SLC2A9: variants seen among roughly 807,000 people sequenced by gnomAD.
SLC2A9 encodes solute carrier family 2, facilitated glucose transporter member 9.
In SLC2A9, 39 loss-of-function variants were observed where a neutral mutation model predicts 50.6. The ratio of observed to expected loss-of-function variants is 0.77; its 90% confidence interval spans 0.60 to 1.01. The LOEUF (loss-of-function observed/expected upper bound fraction) is 1.01, where lower values mean the gene tolerates loss of function less well. Ranked by LOEUF, SLC2A9 falls within the 50% of genes least tolerant of loss-of-function variation. The pLI is 0.00. For missense variants in SLC2A9, 686 were observed against 677.6 expected, an observed-to-expected ratio of 1.01 and a Z score of -0.14; for synonymous variants, 324 against 276.9, an observed-to-expected ratio of 1.17 and a Z score of -1.69.
chr4:9,913,330 TGAGAGAGA>T lies in SLC2A9; in HGVS notation c.1003-4993_1003-4986del, dbSNP rs968021703. 7.9e-5 allele frequency among the ~76,000 whole-genome samples: 7 copies of T among 88,810 alleles called. No individual in the cohort carries two copies. In the East Asian group the frequency reaches 9.0e-4, roughly 11 times the overall value. The allele number at this position is 88,810 out of a possible 152,430, so 58.3% of individuals were successfully genotyped here. On this transcript the variant is annotated intron_variant, in intron 7 of 11. Coordinates refer to ENST00000264784, the MANE Select transcript of SLC2A9 (RefSeq NM_020041.3). ...GTGTGTGTGTGTGTGTGTGTGTGTG[TGAGAGAGA>T]GAGAGAGAGAGAGAGAGACAGAGAG... is the stretch of plus-strand genomic sequence containing the variant.
chr4:9,872,021 T>C (rs572990556), intron 10 of SLC2A9, among the ~76,000 whole-genome samples: 22 of 152,276 alleles, frequency 1.4e-4, no homozygotes, highest in African/African-American at 4.8e-4. Context: ...ATGCTGTCCC[T>C]AGGCCTCCTC....
chr4:9,981,014 G>A (rs889783455), intron 4 of SLC2A9, among the ~76,000 whole-genome samples: 2 of 152,104 alleles, frequency 1.3e-5, no homozygotes, highest in African/African-American at 4.8e-5. Flanking sequence ...CGGTGATGGT[G>A]ATAACGGTGG....
downstream of SLC2A9, among the ~76,000 whole-genome samples, chr4:9,825,524 A>T (rs1411637095): frequency 1.8e-5 from 1 of 56,432 alleles, no homozygotes; most frequent in East Asian, 3.0e-4. Context: ...ATCACCAATT[A>T]ATCACAATGT....
intron 6 of SLC2A9, among the ~76,000 whole-genome samples, chr4:9,928,642 G>T (rs887943304): frequency 1.2e-4 from 19 of 152,208 alleles, no homozygotes; most frequent in Admixed American, 9.2e-4. Context: ...GCTGAGGCAG[G>T]AGAATCGCTT....
intron 11 of SLC2A9, among the ~76,000 whole-genome samples, chr4:9,828,972 C>T (rs764775499): frequency 2.0e-4 from 31 of 152,138 alleles, no homozygotes; most frequent in Non-Finnish European, 3.7e-4. Context: ...GGCTTCCTGC[C>T]GTATCCCAGG....
chr4:10,021,742 G>T (rs999601089), upstream of SLC2A9, among the ~76,000 whole-genome samples: 1 of 151,180 alleles, frequency 6.6e-6, no homozygotes, highest in African/African-American at 2.4e-5. Context: ...CAGGGTGACT[G>T]CCATTAACCT....
chr4:10,020,816 G>A (rs1763414698), intron 1 of SLC2A9, among the ~76,000 whole-genome samples: 1 of 152,188 alleles, frequency 6.6e-6, no homozygotes, highest in Non-Finnish European at 1.5e-5. Flanking sequence ...CCAGAGGCTG[G>A]TGAAGGGCAG....
At chr4:9,940,156 G>A (rs1747857343) in intron 6 of SLC2A9, among the ~76,000 whole-genome samples, 1 of 152,210 alleles carries the variant, frequency 6.6e-6, no homozygotes, top group South Asian at 2.1e-4. Flanking sequence ...AGACAGAGCT[G>A]GAGGCCTCAC....
chr4:9,996,775 A>C lies in SLC2A9; in HGVS notation c.410+6T>G. 1 of 1,613,354 alleles carries C rather than the reference A, an allele frequency of 6.2e-7. No individual in the cohort carries two copies. Among genetic ancestry groups the C allele is most frequent in the Non-Finnish European group, 8.5e-7 (1 of 1,179,522 alleles). On this transcript the variant is annotated splice_donor_region_variant and intron_variant, in intron 3 of 11. Transcript: ENST00000264784. ...CACCCCCAGATAGAGACAGCCTCCT[A>C]CTGACCTCCCAAGAACCTTTCCAAT...
At chr4:9,841,389 C>T (rs1272110475) in intron 10 of SLC2A9, among the ~76,000 whole-genome samples, 1 of 151,934 alleles carries the variant, frequency 6.6e-6, no homozygotes, top group Non-Finnish European at 1.5e-5. Flanking sequence ...CCTTTCTTTC[C>T]TTTCTTCTTT....
chr4:9,970,470 G>T (rs768221942), intron 5 of SLC2A9, among the ~76,000 whole-genome samples: 2 of 152,096 alleles, frequency 1.3e-5, no homozygotes, highest in Non-Finnish European at 2.9e-5. Flanking sequence ...CTGCTTTGGG[G>T]TGGACCAGGA....
chr4:9,798,351 A>G (rs1288372893), downstream of SLC2A9, among the ~76,000 whole-genome samples: 1 of 152,228 alleles, frequency 6.6e-6, no homozygotes, highest in African/African-American at 2.4e-5. Flanking sequence ...CACCTTCGCA[A>G]TCAGTCTGGA....
At position 9,912,181 on chromosome 4, in the gene SLC2A9, C is replaced by T. The variant is rs181639230; in HGVS notation, c.1003-3836G>A. 4.7e-3 allele frequency among the ~76,000 whole-genome samples: 710 copies of T among 152,080 alleles called. 2 individuals carry two copies. The highest frequency in any genetic ancestry group is 7.7e-3 in the South Asian group (37 of 4,816). On this transcript the variant is annotated intron_variant, in intron 7 of 11. Transcript: ENST00000264784. The stretch of plus-strand genomic sequence containing the variant: ...GGGAGGGAGAGCATTAGGAGATATA[C>T]CTAATGTTAAATGACAAGTTAATGG...
At chr4:10,015,973 G>T (rs1015738059) in intron 2 of SLC2A9, among the ~76,000 whole-genome samples, 1 of 152,284 alleles carries the variant, frequency 6.6e-6, no homozygotes, top group South Asian at 2.1e-4. Flanking sequence ...TACCCAACTG[G>T]GGATGACACT....
intron 6 of SLC2A9, among the ~76,000 whole-genome samples, chr4:9,930,296 C>T (rs1214987787): frequency 1.3e-5 from 2 of 152,192 alleles, no homozygotes; most frequent in African/African-American, 4.8e-5. Flanking sequence ...TAGCAAATGC[C>T]AGGTCTTCCC....
At chr4:9,782,950 T>C in intron 3 of SLC2A9, 1 of 1,613,920 alleles carries the variant, frequency 6.2e-7, no homozygotes. Context: ...TCTTCGTGTG[T>C]TGCTGGCTGC....
intron 10 of SLC2A9, among the ~76,000 whole-genome samples, chr4:9,874,238 C>A (rs902032071): frequency 7.3e-6 from 1 of 136,528 alleles, no homozygotes; most frequent in Non-Finnish European, 1.5e-5. Context: ...TCAAATGGCA[C>A]TTTTGCTATT....
chr4:9,919,978 T>G (rs1743598058), intron 7 of SLC2A9, among the ~76,000 whole-genome samples: 1 of 152,190 alleles, frequency 6.6e-6, no homozygotes, highest in Non-Finnish European at 1.5e-5. Context: ...CTTGAGGTTT[T>G]TTTCAAGCCA....
intron 3 of SLC2A9, among the ~76,000 whole-genome samples, chr4:9,987,849 G>C (rs1277156803): frequency 1.3e-5 from 2 of 152,088 alleles, no homozygotes; most frequent in Admixed American, 1.3e-4. Flanking sequence ...AAAAGAAAAA[G>C]AAAGAAAGAA....
Sources: gnomAD v4.1 joint callset for allele counts (sites outside exome capture counted in the v4.1 genomes callset) on GRCh38, gnomAD v4.1.1 for gene constraint, MANE v1.5 for transcripts, NCBI Gene and HGNC (gene_info 2026-07-23, HGNC 2026-07-21) for gene names.